The following TGIF1 variants were observed in gnomAD, a reference collection of about 807,000 sequenced individuals.
TGIF1 encodes homeobox protein TGIF1.
A neutral mutation model predicts 19.3 loss-of-function variants in TGIF1; 4 were observed. The observed-to-expected ratio is 0.21, with a 90% CI of 0.10 to 0.47. The LOEUF (loss-of-function observed/expected upper bound fraction) is 0.47. TGIF1 is among the 20% of genes least tolerant of loss of function. The pLI, the probability that TGIF1 is intolerant of heterozygous loss-of-function variation, is 0.98. For missense variants in TGIF1, 275 were observed against 341.4 expected, an observed-to-expected ratio of 0.81 and a Z score of 1.53; for synonymous variants, 122 against 129.3, an observed-to-expected ratio of 0.94 and a Z score of 0.38.
chr18:3,433,539 A>T (rs2082577852), intron 2 of TGIF1, among the ~76,000 whole-genome samples: 1 of 152,246 alleles, frequency 6.6e-6, no homozygotes, highest in Non-Finnish European at 1.5e-5. Flanking sequence ...ACTTTTATGA[A>T]AAACCTAGAA....
At chr18:3,445,354 G>A (rs1365705347), upstream of TGIF1, among the ~76,000 whole-genome samples, 2 of 152,112 alleles carry the variant, frequency 1.3e-5, no homozygotes, top group African/African-American at 2.4e-5. Flanking sequence ...ATGGAAGGGG[G>A]CAGTTACCAG....
intron 1 of TGIF1, among the ~76,000 whole-genome samples, chr18:3,414,109 A>G (rs1226235603): frequency 6.6e-6 from 1 of 152,226 alleles, no homozygotes; most frequent in African/African-American, 2.4e-5. Flanking sequence ...TATCATTTAT[A>G]CAAAATGACA....
intron 2 of TGIF1, among the ~76,000 whole-genome samples, chr18:3,434,575 C>T (rs1469832365): frequency 2.6e-5 from 4 of 151,770 alleles, no homozygotes; most frequent in African/African-American, 7.3e-5. Context: ...ATTAGCCAGG[C>T]GTGGTGGCAT....
intron 2 of TGIF1, among the ~76,000 whole-genome samples, chr18:3,437,670 T>TG (rs1451131403): frequency 6.6e-6 from 1 of 152,228 alleles, no homozygotes; most frequent in Non-Finnish European, 1.5e-5. Flanking sequence ...TATTTCTGGC[T>TG]GGGGGTGGTG....
chr18:3,457,667 A>G lies in TGIF1; in HGVS notation c.546A>G (p.Lys182=). ...VICHTTVTAL[K]DVPFSLCQSV... ...GCCATACCACTGTGACTGCATTGAAAGATGTCCCTTTCTCTCTCTGCCAGT... is the reference window on the plus strand; with the variant it reads ...GCCATACCACTGTGACTGCATTGAAGGATGTCCCTTTCTCTCTCTGCCAGT... Residue 182 remains lysine, a synonymous_variant, in exon 3 of 3, where the codon AAA becomes AAG. Coordinates refer to ENST00000343820, the MANE Select transcript of TGIF1 (RefSeq NM_003244.4). This position sits in a 1 kb window ranked among gnomAD's most constrained non-coding sequence, Gnocchi z 4.9. The G allele has an allele frequency of 2.5e-6, 4 of 1,614,246 alleles. No homozygotes were observed. Among genetic ancestry groups the G allele is most frequent in the Non-Finnish European group, 3.4e-6 (4 of 1,180,038 alleles).
intron 2 of TGIF1, among the ~76,000 whole-genome samples, chr18:3,442,407 G>T (rs947509620): frequency 6.6e-6 from 1 of 151,916 alleles, no homozygotes; most frequent in African/African-American, 2.4e-5. Flanking sequence ...TTAGTCCAAT[G>T]ATTTTTTTTT....
intron 2 of TGIF1, among the ~76,000 whole-genome samples, chr18:3,439,422 C>A (rs1400979505): frequency 6.6e-6 from 1 of 150,486 alleles, no homozygotes; most frequent in East Asian, 2.0e-4. Context: ...TCTCGGCTCA[C>A]CGCAACCTCC....
intron 1 of TGIF1, among the ~76,000 whole-genome samples, chr18:3,454,734 A>G (rs1395347392): frequency 6.6e-6 from 1 of 152,230 alleles, no homozygotes; most frequent in East Asian, 1.9e-4. Flanking sequence ...GTTAAAACTT[A>G]GGATTCTTGT....
intron 2 of TGIF1, among the ~76,000 whole-genome samples, chr18:3,444,381 G>A (rs1226877763): frequency 6.6e-6 from 1 of 151,264 alleles, no homozygotes; most frequent in African/African-American, 2.4e-5. Flanking sequence ...CATGTCACAG[G>A]GTTTGTTGTA....
Position 3,456,355 on chromosome 18 carries a change from T to C in TGIF1, c.18T>C (p.Gly6=). MKGKK[G]IVAASGSETE... Reference sequence around the variant, plus strand: ...CAACTGGCCCTTGTCCTTTCCTAGGTATTGTTGCAGCATCTGGCAGTGAGA... The same window carrying C: ...CAACTGGCCCTTGTCCTTTCCTAGGCATTGTTGCAGCATCTGGCAGTGAGA... Residue 6 remains glycine (G), a splice_region_variant and synonymous_variant, in exon 2 of 3, where the codon GGT becomes GGC. Coordinates refer to ENST00000343820, the MANE Select transcript of TGIF1 (RefSeq NM_003244.4). The surrounding 1 kb of genome is among the most constrained non-coding windows in gnomAD (Gnocchi z 4.2). The C allele has an allele frequency of 6.2e-7, 1 of 1,614,094 alleles. No homozygotes were observed. Among genetic ancestry groups the C allele is most frequent in the South Asian group, 1.1e-5 (1 of 91,074 alleles).
At chr18:3,453,529 A>G (rs2083059035) in intron 1 of TGIF1, among the ~76,000 whole-genome samples, 1 of 151,816 alleles carries the variant, frequency 6.6e-6, no homozygotes, top group Admixed American at 6.6e-5. Context: ...TCTCCTAAAA[A>G]CACAAAATTA....
intron 1 of TGIF1, among the ~76,000 whole-genome samples, chr18:3,414,229 T>C (rs1190165823): frequency 3.3e-5 from 5 of 152,248 alleles, no homozygotes. Flanking sequence ...TAAATACTTC[T>C]AAACCCTTTT....
At chr18:3,450,158 T>TCCTCGCCTCTCTCACTCTGACAGCGC, upstream of TGIF1, 1 of 1,260,482 alleles carries the variant, frequency 7.9e-7, no homozygotes. Context: ...GTACCTTCCC[T>TCCTCGCCTCTCTCACTCTGACAGCGC]CCTCGCCTCT....
At chr18:3,412,088 G>C (rs1048296847) in exon 1 of TGIF1, 2 of 158,424 alleles carry the variant, frequency 1.3e-5, no homozygotes, top group African/African-American at 4.8e-5. Context: ...GGCCAGGCCT[G>C]ACGGAAGAGC....
chr18:3,422,021 C>A (rs1013324719), intron 2 of TGIF1, among the ~76,000 whole-genome samples: 1 of 151,776 alleles, frequency 6.6e-6, no homozygotes, highest in South Asian at 2.1e-4. Flanking sequence ...TGGTGAAACC[C>A]CGTCTCTACT....
upstream of TGIF1, among the ~76,000 whole-genome samples, chr18:3,445,764 GCAAA>G (rs1313047434): frequency 3.3e-4 from 8 of 24,124 alleles, no homozygotes; most frequent in African/African-American, 1.8e-3. Flanking sequence ...GAGAAGAAAA[GCAAA>G]AAAAAAAAAA....
chr18:3,421,172 G>T (rs1179127390), intron 2 of TGIF1, among the ~76,000 whole-genome samples: 1 of 151,542 alleles, frequency 6.6e-6, no homozygotes, highest in South Asian at 2.1e-4. Flanking sequence ...TACTGTATTT[G>T]ATGGTACTAG....
At chr18:3,442,503 T>C (rs761878516) in intron 2 of TGIF1, among the ~76,000 whole-genome samples, 13 of 151,966 alleles carry the variant, frequency 8.6e-5, no homozygotes, top group Non-Finnish European at 1.8e-4. Context: ...TTTAAGCTAA[T>C]ACAAAAATAG....
upstream of TGIF1, chr18:3,447,649 G>C: frequency 6.9e-7 from 1 of 1,456,494 alleles, no homozygotes; most frequent in Non-Finnish European, 9.6e-7. Context: ...GCATCTACGG[G>C]AGCGGTTGGG....
Sources: allele counts gnomAD v4.1 joint callset (sites outside exome capture counted in the v4.1 genomes callset), GRCh38; gene constraint gnomAD v4.1.1; non-coding constraint Gnocchi (gnomAD v3.1); transcripts MANE v1.5; gene names NCBI Gene and HGNC (gene_info 2026-07-23, HGNC 2026-07-21).